SLC3A1: variants seen among roughly 807,000 people sequenced by gnomAD.
SLC3A1 encodes solute carrier family 3 member 1, also known as amino acid transporter heavy chain SLC3A1.
SLC3A1 carries 78 observed loss-of-function variants against 60.3 expected under a neutral mutation model. That is an observed-to-expected ratio of 1.29 (90% CI 1.08 to 1.56). The LOEUF is 1.56. Among genes scored for constraint, SLC3A1 ranks in the 40% most tolerant of loss-of-function variants. SLC3A1 has a pLI of 0.00. For synonymous variants in SLC3A1, 392 were observed against 307.9 expected, an observed-to-expected ratio of 1.27 and a Z score of -2.86; for missense variants, 1,172 against 858.9, an observed-to-expected ratio of 1.36 and a Z score of -4.56.
At position 44,275,687 on chromosome 2, in the gene SLC3A1, T is replaced by A. The variant is rs2104325550; in HGVS notation, c.152T>A (p.Ile51Asn). 1 of 1,614,152 alleles carries A rather than the reference T, an allele frequency of 6.2e-7. No homozygotes were observed. The highest frequency in any genetic ancestry group is 8.5e-7 in the Non-Finnish European group (1 of 1,180,010). The change falls in exon 1 of 10, where the codon ATC (isoleucine) becomes AAC (asparagine). Residue 51 changes from isoleucine (I) to asparagine (N), a missense_variant. By Grantham distance (149) the Ile-to-Asn change is moderately radical. Coordinates refer to ENST00000260649, the MANE Select transcript of SLC3A1 (RefSeq NM_000341.4). ...TDNLKHSTRG[I>N]LGSQEPDFKG... ...AACCTGAAGCACAGCACCAGGGGCA[T>A]CCTTGGCTCCCAGGAGCCCGACTTC... is the stretch of plus-strand genomic sequence containing the variant.
At chr2:44,294,613 C>G (rs902874383) in intron 4 of SLC3A1, among the ~76,000 whole-genome samples, 9 of 152,134 alleles carry the variant, frequency 5.9e-5, no homozygotes, top group African/African-American at 2.2e-4. Flanking sequence ...TGAGGCTTAG[C>G]TGGTCTTGCA....
At chr2:44,315,614 C>A (rs1480613257) in intron 9 of SLC3A1, among the ~76,000 whole-genome samples, 1 of 131,880 alleles carries the variant, frequency 7.6e-6, no homozygotes, top group African/African-American at 2.8e-5. Context: ...TGTGATTACC[C>A]CAATGCACTC....
rs1021613906 is a variant in SLC3A1, at chr2:44,304,053, C to T, written c.1137-90C>T. The T allele has an allele frequency of 7.9e-5, 76 of 961,102 alleles. No homozygotes were observed. The South Asian group carries it at 8.9e-4, about 11-fold the overall frequency. 59.5% of individuals were successfully genotyped at this position (961,102 alleles called of 1,614,324 possible). A position where few individuals can be genotyped will look rare whatever the true frequency, so the allele number is the denominator to read the frequency against. ...GTTAATAGTGTGCATTCAGCCCCTA[C>T]ATCTTGTACATGCAAGATAAGCAGC... On this transcript the variant is annotated intron_variant, in intron 6 of 9. Coordinates refer to ENST00000260649, the MANE Select transcript of SLC3A1 (RefSeq NM_000341.4).
In SLC3A1 at chr2:44,301,005, C is replaced by G. The variant is rs762961736; in HGVS notation, c.1014C>G (p.Asp338Glu). The change falls in exon 6 of 10, where the codon GAC becomes GAG. Residue 338 changes from aspartate (D) to glutamate (E), a missense_variant and splice_region_variant. Transcript: ENST00000260649. ...CCATGTCGTCCTGGTTTTCAAAGGA[C>G]ACGGTCACACAATACTCGGAGCTGT... is the stretch of plus-strand genomic sequence containing the variant. ...EIQVNKTQIPDTVTQYSELYH... is the reference protein window; with the variant it reads ...EIQVNKTQIPETVTQYSELYH... 1.9e-6 allele frequency: 3 copies of G among 1,613,890 alleles called. No homozygotes were observed. In the Admixed American group the frequency reaches 5.0e-5, roughly 27 times the overall value.
chr2:44,308,321 G>C (rs1052921105), intron 7 of SLC3A1, among the ~76,000 whole-genome samples: 1 of 152,276 alleles, frequency 6.6e-6, no homozygotes, highest in Middle Eastern at 3.4e-3. Flanking sequence ...TGTTTTAGCT[G>C]TTCTGGGTAC....
rs888928377 is a variant in SLC3A1, at chr2:44,320,996, G to A, written c.*357G>A. The A allele has an allele frequency of 1.3e-5, 5 of 387,322 alleles. No homozygotes were observed. The highest frequency in any genetic ancestry group is 5.5e-5 in the South Asian group (2 of 36,588). 24.0% of individuals were successfully genotyped at this position (387,322 alleles called of 1,614,324 possible). ...TTAGAGGATGACTCACTGCCACAGTGTCTAAAAGCATTTGCTAGCAAAGAG... is the reference window on the plus strand; with the variant it reads ...TTAGAGGATGACTCACTGCCACAGTATCTAAAAGCATTTGCTAGCAAAGAG... On this transcript the variant is annotated 3_prime_UTR_variant, in exon 10 of 10. Transcript: ENST00000260649.
At chr2:44,296,873 A>G (rs774133469) in intron 4 of SLC3A1, among the ~76,000 whole-genome samples, 2 of 152,022 alleles carry the variant, frequency 1.3e-5, no homozygotes, top group Non-Finnish European at 2.9e-5. Context: ...GTGAGTTCTG[A>G]TGGTTTTATA....
At chr2:44,278,471 A>G (rs1007064231) in intron 1 of SLC3A1, among the ~76,000 whole-genome samples, 1 of 151,522 alleles carries the variant, frequency 6.6e-6, no homozygotes, top group African/African-American at 2.4e-5. Flanking sequence ...TAAATAAATA[A>G]ATAAAATAAA....
chr2:44,311,282 T>C (rs907612588), intron 7 of SLC3A1, among the ~76,000 whole-genome samples: 4 of 152,246 alleles, frequency 2.6e-5, no homozygotes, highest in Admixed American at 2.6e-4. Flanking sequence ...TAACTGTTCA[T>C]ATACTTTAAA....
chr2:44,301,120 A>G lies in SLC3A1; in HGVS notation c.1129A>G (p.Arg377Gly), dbSNP rs368665372. 42 of 1,609,752 alleles carry G rather than the reference A, an allele frequency of 2.6e-5. No individual in the cohort carries two copies. The African/African-American group carries it at 5.3e-4, about 20-fold the overall frequency. ...GGACCAATACAGCACGGAGCCCGGC[A>G]GATACAGGTTGACCACGGCATATGC... ...TMDQYSTEPG[R>G]YRFMGTEAYA... The change falls in exon 6 of 10, where the codon AGA becomes GGA. Residue 377 changes from arginine to glycine, a missense_variant. Physicochemically the swap from Arg to Gly is moderately radical, Grantham distance 125. Transcript: ENST00000260649.
chr2:44,298,049 G>A (rs1003570836), intron 4 of SLC3A1, among the ~76,000 whole-genome samples: 4 of 152,166 alleles, frequency 2.6e-5, no homozygotes, highest in African/African-American at 9.7e-5. Context: ...TTGTGAACAA[G>A]TTTTTGCGTG....
chr2:44,278,580 G>C (rs1572788526), intron 1 of SLC3A1, among the ~76,000 whole-genome samples: 1 of 152,176 alleles, frequency 6.6e-6, no homozygotes, highest in East Asian at 1.9e-4. Flanking sequence ...CTGCGGTGTG[G>C]CCTCTGACAG....
intron 3 of SLC3A1, among the ~76,000 whole-genome samples, chr2:44,282,816 C>T (rs942653276): frequency 1.3e-5 from 2 of 151,972 alleles, no homozygotes; most frequent in African/African-American, 4.8e-5. Flanking sequence ...TGCCACCATG[C>T]CCAGCTAATA....
chr2:44,279,971 C>T (rs1017064441), intron 1 of SLC3A1, among the ~76,000 whole-genome samples: 1 of 152,136 alleles, frequency 6.6e-6, no homozygotes, highest in East Asian at 1.9e-4. Flanking sequence ...AACCAGCCAC[C>T]CTGCAAGTGC....
At chr2:44,306,563 T>C (rs945320049) in intron 7 of SLC3A1, among the ~76,000 whole-genome samples, 1 of 149,292 alleles carries the variant, frequency 6.7e-6, no homozygotes, top group African/African-American at 2.5e-5. Context: ...TTTTTTTTTT[T>C]TTTTTTTTTG....
intron 1 of SLC3A1, among the ~76,000 whole-genome samples, chr2:44,279,450 T>TG (rs1221374866): frequency 2.0e-5 from 3 of 152,194 alleles, no homozygotes; most frequent in Non-Finnish European, 4.4e-5. Flanking sequence ...CCTCTGCCCC[T>TG]GGGGGTCAAG....
intron 1 of SLC3A1, among the ~76,000 whole-genome samples, chr2:44,278,726 G>C (rs1053801115): frequency 6.6e-6 from 1 of 151,984 alleles, no homozygotes; most frequent in African/African-American, 2.4e-5. Flanking sequence ...ATCCTACAAA[G>C]TTCTAAATAC....
chr2:44,320,102 A>C (rs1672796507), intron 9 of SLC3A1, 97 bp from the exon 10 acceptor site: 1 of 1,082,028 alleles, frequency 9.2e-7, no homozygotes, highest in Non-Finnish European at 1.3e-6. Flanking sequence ...AATTGGAGCA[A>C]GTGTTTTGGG....
intron 9 of SLC3A1, 85 bp downstream of exon 9, chr2:44,314,036 C>T: frequency 6.3e-7 from 1 of 1,596,012 alleles, no homozygotes; most frequent in Non-Finnish European, 8.5e-7. Context: ...CTGAATGTGT[C>T]TAAACCTTAA....
Sources: gnomAD v4.1 joint callset for allele counts (sites outside exome capture counted in the v4.1 genomes callset) on GRCh38, gnomAD v4.1.1 for gene constraint, MANE v1.5 for transcripts, NCBI Gene and HGNC (gene_info 2026-07-23, HGNC 2026-07-21) for gene names.